The following ARFGEF1 variants were observed in gnomAD, a reference collection of about 807,000 sequenced individuals.
ARFGEF1 encodes brefeldin A-inhibited guanine nucleotide-exchange protein 1.
ARFGEF1 carries 42 observed loss-of-function variants against 231.0 expected under a neutral mutation model. That is an observed-to-expected ratio of 0.18 (90% CI 0.14 to 0.24). The LOEUF (loss-of-function observed/expected upper bound fraction) is 0.24. ARFGEF1 is among the 10% of genes least tolerant of loss of function. The pLI is 1.00. For synonymous variants in ARFGEF1, 710 were observed against 732.3 expected (o/e 0.97, Z 0.49); for missense variants, 1,345 against 2,192.0 (o/e 0.61, Z 7.72).
At chr8:67,253,080 C>T (rs1840348622) in intron 18 of ARFGEF1, among the ~76,000 whole-genome samples, 1 of 152,118 alleles carries the variant, frequency 6.6e-6, no homozygotes, top group South Asian at 2.1e-4. Flanking sequence ...TACCATTTTC[C>T]ATTAATCACT....
At chr8:67,336,430 T>C (rs1291929095) in intron 1 of ARFGEF1, among the ~76,000 whole-genome samples, 1 of 152,204 alleles carries the variant, frequency 6.6e-6, no homozygotes, top group East Asian at 1.9e-4. Flanking sequence ...CCTTAATAAA[T>C]TACCATAAAT....
At chr8:67,319,922 A>C (rs1481891046) in intron 1 of ARFGEF1, among the ~76,000 whole-genome samples, 1 of 152,140 alleles carries the variant, frequency 6.6e-6, no homozygotes, top group East Asian at 1.9e-4. Flanking sequence ...GCAAATAAAC[A>C]TAAAAAAAGA....
Position 67,213,404 on chromosome 8 carries a change from A to G in ARFGEF1, c.4687-1789T>C, listed in dbSNP as rs576976745. Among the ~76,000 whole-genome samples the G allele has an allele frequency of 5.3e-4, 80 of 152,306 alleles. 4 individuals are homozygous for G. The South Asian group carries it at 0.015, about 28-fold the overall frequency. ...CATTGTGTTTACAAATTACTTCCAAAGAATTCAGAAAATTGTGTGTCTGGG... is the reference window on the plus strand; with the variant it reads ...CATTGTGTTTACAAATTACTTCCAAGGAATTCAGAAAATTGTGTGTCTGGG... On this transcript the variant is annotated intron_variant, in intron 33 of 38. Transcript: ENST00000262215.
rs537823586 is a variant in ARFGEF1 at position 67,238,611 on chromosome 8, T to G, written c.3139-118A>C. On this transcript the variant is annotated intron_variant, in intron 21 of 38. Transcript: ENST00000262215. ...TACACTATAGATTATTTTAAAAAGC[T>G]AAACGTACTTATTCGAAATGTACTA... 202 of 1,419,234 alleles carry G rather than the reference T, an allele frequency of 1.4e-4. 2 individuals are homozygous for G. The African/African-American group carries it at 2.6e-3, about 18-fold the overall frequency. The allele number at this position is 1,419,234 out of a possible 1,614,324, so 87.9% of individuals were successfully genotyped here. A position where few individuals can be genotyped will look rare whatever the true frequency, so the allele number is the denominator to read the frequency against.
intron 6 of ARFGEF1, among the ~76,000 whole-genome samples, chr8:67,290,207 CT>C (rs1805948139): frequency 6.6e-6 from 1 of 152,172 alleles, no homozygotes; most frequent in African/African-American, 2.4e-5. Flanking sequence ...GTCTTTCTAA[CT>C]CTATATTCTA....
At chr8:67,175,981 A>ATGC (rs1454547491) in intron 5 of ARFGEF1, among the ~76,000 whole-genome samples, 1 of 151,564 alleles carries the variant, frequency 6.6e-6, no homozygotes, top group Non-Finnish European at 1.5e-5. Context: ...TGAGTGACAT[A>ATGC]TGCTGCTGCT....
intron 23 of ARFGEF1, among the ~76,000 whole-genome samples, chr8:67,232,556 G>A (rs1032115656): frequency 2.6e-5 from 4 of 151,892 alleles, no homozygotes; most frequent in Admixed American, 2.6e-4. Flanking sequence ...AGGGGAATAA[G>A]TTTTCTACGA....
At chr8:67,221,624 T>A (rs1220035433) in intron 29 of ARFGEF1, among the ~76,000 whole-genome samples, 1 of 152,142 alleles carries the variant, frequency 6.6e-6, no homozygotes, top group Non-Finnish European at 1.5e-5. Context: ...GCAAAAAAGT[T>A]ACAGTAGGCT....
At chr8:67,262,463 A>C (rs752474103) in intron 14 of ARFGEF1, among the ~76,000 whole-genome samples, 1 of 152,220 alleles carries the variant, frequency 6.6e-6, no homozygotes, top group Non-Finnish European at 1.5e-5. Context: ...TGGAAAGAAA[A>C]TAAGAGATTT....
chr8:67,280,165 T>C (rs908712488), intron 7 of ARFGEF1, among the ~76,000 whole-genome samples: 2 of 152,174 alleles, frequency 1.3e-5, no homozygotes, highest in South Asian at 2.1e-4. Flanking sequence ...CTGAGAGATA[T>C]GATTGTTTTA....
chr8:67,212,580 T>C (rs780016206), intron 33 of ARFGEF1, among the ~76,000 whole-genome samples: 5 of 152,200 alleles, frequency 3.3e-5, no homozygotes, highest in Non-Finnish European at 5.9e-5. Context: ...CTTTCTTTCA[T>C]TATAAAGGCA....
chr8:67,218,411 A>T (rs991347719), intron 30 of ARFGEF1, among the ~76,000 whole-genome samples: 1 of 97,666 alleles, frequency 1.0e-5, no homozygotes, highest in Non-Finnish European at 2.7e-5. Flanking sequence ...TTTGATTATT[A>T]AAAAAAACCA....
At chr8:67,189,472 A>C (rs1202742113) in intron 5 of ARFGEF1, among the ~76,000 whole-genome samples, 1 of 152,218 alleles carries the variant, frequency 6.6e-6, no homozygotes, top group Non-Finnish European at 1.5e-5. Flanking sequence ...GCATGGAAGG[A>C]CCCAAAACTT....
At chr8:67,333,847 A>C (rs1808216110) in intron 1 of ARFGEF1, among the ~76,000 whole-genome samples, 2 of 152,168 alleles carry the variant, frequency 1.3e-5, no homozygotes, top group Admixed American at 1.3e-4. Flanking sequence ...AATTAACAAC[A>C]GTGCATAAGA....
chr8:67,229,687 A>G (rs1839493360), intron 23 of ARFGEF1, among the ~76,000 whole-genome samples: 1 of 152,100 alleles, frequency 6.6e-6, no homozygotes, highest in African/African-American at 2.4e-5. Context: ...TCGCAAAACA[A>G]AAATGAAAAC....
chr8:67,283,422 T>A (rs1302891205), intron 7 of ARFGEF1, among the ~76,000 whole-genome samples: 1 of 152,146 alleles, frequency 6.6e-6, no homozygotes, highest in Non-Finnish European at 1.5e-5. Flanking sequence ...ATGGATATAG[T>A]TTAATATGTG....
rs1228163654 is a variant in ARFGEF1 at position 67,218,207 on chromosome 8, A to AAT, written c.4339-71_4339-70dup. ...TACTATGATTAAAAAAAAAAAAAAA[A>AAT]ATATATATATATATATATATATATA... is the stretch of plus-strand genomic sequence containing the variant. On this transcript the variant is annotated intron_variant, in intron 30 of 38. Coordinates refer to ENST00000262215, the MANE Select transcript of ARFGEF1 (RefSeq NM_006421.5). 649 of 91,296 alleles carry AAT rather than the reference A, an allele frequency of 7.1e-3. 5 individuals are homozygous for AAT. Among genetic ancestry groups the AAT allele is most frequent in the Admixed American group, 0.011 (76 of 7,094 alleles). The allele number at this position is 91,296 out of a possible 1,614,324, so 5.7% of individuals were successfully genotyped here.
Position 67,258,151 on chromosome 8 carries a change from C to T in ARFGEF1, c.2375G>A (p.Gly792Glu). The T allele has an allele frequency of 1.2e-6, 2 of 1,613,964 alleles. No homozygotes were observed. The highest frequency in any genetic ancestry group is 8.5e-7 in the Non-Finnish European group (1 of 1,179,964). The change falls in exon 16 of 39, where the codon GGG becomes GAG. Residue 792 changes from glycine to glutamate, a missense_variant. Around this residue, in one of 14 missense-constraint regions of ARFGEF1, gnomAD observed 58 missense variants for 133.6 expected, o/e 0.43. Coordinates refer to ENST00000262215, the MANE Select transcript of ARFGEF1 (RefSeq NM_006421.5). The part of the protein sequence containing the change: ...RMFLEGFRLP[G>E]EAQKIDRLME... ...TAATCGATCGATTTTCTGAGCTTCC[C>T]CTGGAAGACGAAATCCTTCTAGAAA...
chr8:67,220,988 T>A (rs1839136712), intron 29 of ARFGEF1, among the ~76,000 whole-genome samples: 1 of 151,058 alleles, frequency 6.6e-6, no homozygotes, highest in Non-Finnish European at 1.5e-5. Context: ...CAGTCAACAA[T>A]GAACTGCATA....
Sources: allele counts gnomAD v4.1 joint callset (sites outside exome capture counted in the v4.1 genomes callset), GRCh38; gene constraint gnomAD v4.1.1; regional missense constraint gnomAD v4.1.1; transcripts MANE v1.5; gene names NCBI Gene and HGNC (gene_info 2026-07-23, HGNC 2026-07-21).